Variants in RAB5A observed in about 807,000 individuals in gnomAD.
RAB5A encodes the protein ras-related protein Rab-5A.
A neutral mutation model predicts 25.7 loss-of-function variants in RAB5A; 8 were observed. That is an observed-to-expected ratio of 0.31 (90% confidence interval 0.18 to 0.56). The LOEUF is 0.56. Ranked by LOEUF, RAB5A falls within the 20% of genes least tolerant of loss-of-function variation. The pLI is 0.91. For synonymous variants in RAB5A, 98 were observed against 89.8 expected (o/e 1.09, Z -0.52); for missense variants, 192 against 259.7 (o/e 0.74, Z 1.79).
intron 5 of RAB5A, among the ~76,000 whole-genome samples, chr3:19,982,929 T>G (rs933604261): frequency 6.6e-6 from 1 of 152,194 alleles, no homozygotes; most frequent in Non-Finnish European, 1.5e-5. Context: ...ATTTGTATCC[T>G]GACTTGTTCT....
At chr3:19,977,199 A>G (rs542780079) in intron 4 of RAB5A, among the ~76,000 whole-genome samples, 2 of 152,158 alleles carry the variant, frequency 1.3e-5, no homozygotes, top group African/African-American at 2.4e-5. Flanking sequence ...CAGCCTCCCA[A>G]GTAGCTGGGA....
chr3:19,959,381 T>C (rs1696551044), intron 2 of RAB5A, among the ~76,000 whole-genome samples: 1 of 151,996 alleles, frequency 6.6e-6, no homozygotes, highest in Non-Finnish European at 1.5e-5. Context: ...AAAAGTGATA[T>C]TATATGCCAC....
chr3:19,947,396 G>A lies in RAB5A; in HGVS notation c.-219G>A, dbSNP rs1394944087. ...CACAGTCCAGTGTGAGGGGAGCGGC[G>A]CTAAGAGCAGGCGACGCCGCCGCCG... On this transcript the variant is annotated 5_prime_UTR_variant, in exon 1 of 6. Coordinates refer to ENST00000273047, the MANE Select transcript of RAB5A (RefSeq NM_004162.5). 5.1e-5 allele frequency: 8 copies of A among 157,214 alleles called. 1 individual carries two copies. The South Asian group carries it at 8.6e-4, about 17-fold the overall frequency. The allele number at this position is 157,214 out of a possible 1,614,324, so 9.7% of individuals were successfully genotyped here. A position where few individuals can be genotyped will look rare whatever the true frequency, so the allele number is the denominator to read the frequency against.
intron 2 of RAB5A, chr3:19,975,388 C>CT (rs1180326707): frequency 2.3e-6 from 1 of 425,956 alleles, no homozygotes; most frequent in Non-Finnish European, 4.2e-6. Flanking sequence ...GTATTTAAAG[C>CT]TATTATCAGC....
At chr3:19,967,582 C>A (rs1313725324) in intron 2 of RAB5A, among the ~76,000 whole-genome samples, 1 of 152,182 alleles carries the variant, frequency 6.6e-6, no homozygotes, top group African/African-American at 2.4e-5. Context: ...TAGTATAGAT[C>A]ACCTCTTAAG....
chr3:19,960,425 G>A (rs1696568324), intron 2 of RAB5A, among the ~76,000 whole-genome samples: 1 of 152,112 alleles, frequency 6.6e-6, no homozygotes, highest in African/African-American at 2.4e-5. Flanking sequence ...TCAGCCTCCT[G>A]AGTAGCTGAG....
chr3:19,972,296 A>G (rs1696762923), intron 2 of RAB5A, among the ~76,000 whole-genome samples: 2 of 152,216 alleles, frequency 1.3e-5, no homozygotes, highest in Non-Finnish European at 2.9e-5. Flanking sequence ...AATCCAAAAC[A>G]TTCCTGGTTC....
intron 2 of RAB5A, among the ~76,000 whole-genome samples, chr3:19,959,371 A>T (rs1696550842): frequency 6.6e-6 from 1 of 152,082 alleles, no homozygotes; most frequent in African/African-American, 2.4e-5. Flanking sequence ...AAAGGTTTTT[A>T]AAAGTGATAT....
At chr3:19,948,884 A>C (rs1396878720) in intron 1 of RAB5A, among the ~76,000 whole-genome samples, 1 of 152,162 alleles carries the variant, frequency 6.6e-6, no homozygotes, top group Non-Finnish European at 1.5e-5. Context: ...ATTGTGTGTA[A>C]TATCTGAAGA....
intron 3 of RAB5A, 100 bp downstream of exon 3, chr3:19,975,852 A>T: frequency 7.2e-7 from 1 of 1,385,686 alleles, no homozygotes; most frequent in Non-Finnish European, 9.8e-7. Context: ...TCTGATAGTC[A>T]TGACCTTTCT....
intron 2 of RAB5A, chr3:19,951,372 C>A (rs1322842971): frequency 4.2e-6 from 1 of 239,950 alleles, no homozygotes. Context: ...CTAGAAGCTT[C>A]TTCAAATTAA....
At chr3:19,978,494 T>G in intron 5 of RAB5A, 91 bp downstream of exon 5, 1 of 884,002 alleles carries the variant, frequency 1.1e-6, no homozygotes, top group South Asian at 1.5e-5. Context: ...AAAAAATTTT[T>G]GGGGGTGGGT....
chr3:19,980,022 C>T (rs1295131612), intron 5 of RAB5A: 2 of 152,150 alleles, frequency 1.3e-5, no homozygotes, highest in Non-Finnish European at 2.9e-5. Flanking sequence ...GTACTTCATT[C>T]GAAATGGGAA....
rs115210887 is a variant in RAB5A at position 19,976,832 on chromosome 3, C to A, written c.438+663C>A. Among the ~76,000 whole-genome samples, 287 of 152,276 alleles carry A rather than the reference C, an allele frequency of 1.9e-3. 1 individual carries two copies. Among genetic ancestry groups the A allele is most frequent in the African/African-American group, 6.8e-3 (283 of 41,548 alleles). On this transcript the variant is annotated intron_variant, in intron 4 of 5. Coordinates refer to ENST00000273047, the MANE Select transcript of RAB5A (RefSeq NM_004162.5). Reference sequence around the variant, plus strand: ...AAATATGTATCAGCACATGTGTGTACCCCACATATGTACATACGCAAACAC... The same window carrying A: ...AAATATGTATCAGCACATGTGTGTAACCCACATATGTACATACGCAAACAC...
At position 19,984,414 on chromosome 3, in the gene RAB5A, G is replaced by GTTT; in HGVS notation, c.*601_*603dup. On this transcript the variant is annotated 3_prime_UTR_variant, in exon 6 of 6. Transcript: ENST00000273047. ...TGGTATCTTAATTATACCCAGTCTG[G>GTTT]TTTTTTTTTTTTAAATGGGGTAAAA... is the stretch of plus-strand genomic sequence containing the variant. 1.1e-5 allele frequency: 2 copies of GTTT among 182,430 alleles called. No individual in the cohort carries two copies. The highest frequency in any genetic ancestry group is 1.9e-4 in the East Asian group (1 of 5,382). 11.3% of individuals were successfully genotyped at this position (182,430 alleles called of 1,614,324 possible). A position where few individuals can be genotyped will look rare whatever the true frequency, so the allele number is the denominator to read the frequency against.
intron 1 of RAB5A, among the ~76,000 whole-genome samples, chr3:19,950,327 A>C (rs1696405167): frequency 6.6e-6 from 1 of 152,212 alleles, no homozygotes; most frequent in Non-Finnish European, 1.5e-5. Context: ...GATCTGTTCT[A>C]AAAGTTTCCC....
intron 4 of RAB5A, 117 bp downstream of exon 4, chr3:19,976,286 T>C (rs952604438): frequency 1.7e-6 from 2 of 1,170,916 alleles, no homozygotes; most frequent in Non-Finnish European, 2.3e-6. Flanking sequence ...AAATACTGAT[T>C]TTTAAAACAA....
At chr3:19,952,272 A>T (rs1476660193) in intron 2 of RAB5A, among the ~76,000 whole-genome samples, 4 of 152,242 alleles carry the variant, frequency 2.6e-5, no homozygotes, top group Admixed American at 2.0e-4. Context: ...CTGTGAAATG[A>T]TGCTTTTCAA....
intron 2 of RAB5A, among the ~76,000 whole-genome samples, chr3:19,953,886 A>C (rs1271155629): frequency 6.6e-6 from 1 of 152,196 alleles, no homozygotes; most frequent in Non-Finnish European, 1.5e-5. Flanking sequence ...TAAGAATTTT[A>C]AGGTTTGAGC....
Sources: allele counts gnomAD v4.1 joint callset (sites outside exome capture counted in the v4.1 genomes callset), GRCh38; gene constraint gnomAD v4.1.1; transcripts MANE v1.5; gene names NCBI Gene and HGNC (gene_info 2026-07-23, HGNC 2026-07-21).